PARN: variants seen among roughly 807,000 people sequenced by gnomAD.
The protein encoded by PARN is poly(A)-specific ribonuclease.
Under a neutral mutation model 102.8 loss-of-function variants are expected in PARN, and 71 were observed. The ratio of observed to expected loss-of-function variants is 0.69; its 90% CI spans 0.57 to 0.84. PARN has a LOEUF of 0.84. PARN is among the 40% of genes least tolerant of loss of function. The pLI, the probability that PARN is intolerant of heterozygous loss-of-function variation, is 0.00. For missense variants in PARN, 782 were observed against 760.9 expected, an observed-to-expected ratio of 1.03 and a Z score of -0.33; for synonymous variants, 261 against 252.9, an observed-to-expected ratio of 1.03 and a Z score of -0.30.
At chr16:14,499,512 T>C (rs546293235) in intron 21 of PARN, among the ~76,000 whole-genome samples, 1 of 152,348 alleles carries the variant, frequency 6.6e-6, no homozygotes, top group South Asian at 2.1e-4. Flanking sequence ...TGAAATTCTT[T>C]GCCAGCAGGA....
chr16:14,571,357 C>CAA (rs397773967), intron 18 of PARN, among the ~76,000 whole-genome samples: 23 of 86,834 alleles, frequency 2.6e-4, no homozygotes, highest in South Asian at 1.2e-3. Flanking sequence ...GATTCCAACT[C>CAA]AAAAAAAAAA....
At chr16:14,628,308 CCAGT>C (rs1290869850) in intron 2 of PARN, 57 bp from the exon 3 acceptor site, 31 of 958,374 alleles carry the variant, frequency 3.2e-5, no homozygotes, top group African/African-American at 8.2e-5. Flanking sequence ...CGTAAAAATG[CCAGT>C]CAATCATTCA....
At chr16:14,588,504 T>A (rs1969990028) in intron 13 of PARN, among the ~76,000 whole-genome samples, 1 of 152,198 alleles carries the variant, frequency 6.6e-6, no homozygotes, top group Non-Finnish European at 1.5e-5. Context: ...AGTGCCAAGC[T>A]CTATTCAGTA....
intron 5 of PARN, 74 bp from the exon 6 acceptor site, chr16:14,617,724 C>G: frequency 1.1e-6 from 1 of 884,740 alleles, no homozygotes; most frequent in Non-Finnish European, 1.9e-6. Flanking sequence ...AGAGAAGTAA[C>G]TCAAACAAGA....
chr16:14,456,362 G>A (rs1363679520), intron 22 of PARN, among the ~76,000 whole-genome samples: 1 of 151,672 alleles, frequency 6.6e-6, no homozygotes, highest in Non-Finnish European at 1.5e-5. Flanking sequence ...TAAGGATGGG[G>A]GTGTCTTGCT....
chr16:14,461,921 A>C (rs1011258895), intron 22 of PARN, among the ~76,000 whole-genome samples: 1 of 152,246 alleles, frequency 6.6e-6, no homozygotes, highest in Non-Finnish European at 1.5e-5. Context: ...ACTCTGAAAG[A>C]AGTGACCTGA....
At chr16:14,450,090 G>A (rs767196870) in intron 22 of PARN, among the ~76,000 whole-genome samples, 32 of 152,130 alleles carry the variant, frequency 2.1e-4, no homozygotes, top group Non-Finnish European at 4.0e-4. Flanking sequence ...GGTTGAATAC[G>A]CAACAGTACA....
chr16:14,447,986 CTAATCTAAT>C (rs1289976513), intron 22 of PARN, among the ~76,000 whole-genome samples: 24 of 145,186 alleles, frequency 1.7e-4, no homozygotes, highest in Admixed American at 6.9e-5. Flanking sequence ...ATCTATCTAT[CTAATCTAAT>C]TATTTTTGAG....
intron 21 of PARN, among the ~76,000 whole-genome samples, chr16:14,534,710 T>C (rs1291770389): frequency 6.6e-6 from 1 of 152,168 alleles, no homozygotes; most frequent in East Asian, 1.9e-4. Flanking sequence ...CCTTGGCCTC[T>C]GATGCAATTT....
At chr16:14,490,614 G>A (rs974193816) in intron 21 of PARN, among the ~76,000 whole-genome samples, 6 of 152,194 alleles carry the variant, frequency 3.9e-5, no homozygotes, top group Middle Eastern at 3.4e-3. Context: ...TGTCAAAGAC[G>A]CCCTCTCTGA....
intron 21 of PARN, among the ~76,000 whole-genome samples, chr16:14,492,177 A>G (rs764703084): frequency 2.0e-5 from 3 of 152,220 alleles, no homozygotes; most frequent in Non-Finnish European, 4.4e-5. Context: ...GAAAGAGTAG[A>G]AACTAGGGCA....
At chr16:14,493,743 G>A (rs947120272) in intron 21 of PARN, among the ~76,000 whole-genome samples, 6 of 152,216 alleles carry the variant, frequency 3.9e-5, no homozygotes, top group Non-Finnish European at 7.3e-5. Context: ...CTGACTGAGA[G>A]GTGGAAGAGC....
intron 5 of PARN, among the ~76,000 whole-genome samples, chr16:14,619,129 G>A (rs139329365): frequency 2.0e-5 from 3 of 152,136 alleles, no homozygotes; most frequent in East Asian, 3.9e-4. Flanking sequence ...TGGAAGGTGA[G>A]GAGGTTGAGG....
chr16:14,482,325 G>A (rs909740556), intron 22 of PARN, among the ~76,000 whole-genome samples: 1 of 151,882 alleles, frequency 6.6e-6, no homozygotes, highest in Non-Finnish European at 1.5e-5. Context: ...CCAGGAGGTC[G>A]AAGCTGCAGC....
At position 14,530,544 on chromosome 16, in the gene PARN, T is replaced by TAA. The variant is rs34950119; in HGVS notation, c.1480+21475_1480+21476dup. Among the ~76,000 whole-genome samples the TAA allele has an allele frequency of 1.9e-3, 279 of 146,676 alleles. 1 individual carries two copies. Among genetic ancestry groups the TAA allele is most frequent in the African/African-American group, 4.7e-3 (187 of 40,186 alleles). On this transcript the variant is annotated intron_variant, in intron 21 of 23. Coordinates refer to ENST00000437198, the MANE Select transcript of PARN (RefSeq NM_002582.4). Reference sequence around the variant, plus strand: ...CAGAACCCTGAAAAAAAGGTTACATTAAAAAAAAAAAACTATATTATATAA... The same window carrying TAA: ...CAGAACCCTGAAAAAAAGGTTACATTAAAAAAAAAAAAAACTATATTATATAA...
intron 8 of PARN, 59 bp downstream of exon 8, chr16:14,608,999 G>T: frequency 1.1e-6 from 1 of 908,978 alleles, no homozygotes; most frequent in Non-Finnish European, 1.8e-6. Flanking sequence ...TGCATCAAAT[G>T]CCACAAACCA....
At chr16:14,448,201 T>C (rs2151558493) in intron 22 of PARN, among the ~76,000 whole-genome samples, 1 of 151,902 alleles carries the variant, frequency 6.6e-6, no homozygotes. Flanking sequence ...CAGGCTGGAG[T>C]GCAGTGGCAC....
intron 5 of PARN, among the ~76,000 whole-genome samples, chr16:14,620,036 C>T (rs1291882234): frequency 2.1e-5 from 3 of 142,512 alleles, no homozygotes; most frequent in African/African-American, 7.9e-5. Context: ...TGCCACTGCA[C>T]TCCAGCCTGG....
intron 22 of PARN, among the ~76,000 whole-genome samples, chr16:14,479,397 G>A (rs567000116): frequency 6.6e-6 from 1 of 151,614 alleles, no homozygotes; most frequent in Non-Finnish European, 1.5e-5. Flanking sequence ...CTCTACCCTG[G>A]ATGACAGAGT....
Sources: gnomAD v4.1 joint callset for allele counts (sites outside exome capture counted in the v4.1 genomes callset) on GRCh38, gnomAD v4.1.1 for gene constraint, MANE v1.5 for transcripts, NCBI Gene and HGNC (gene_info 2026-07-23, HGNC 2026-07-21) for gene names.